The following MAP2 variants were observed in gnomAD, a reference collection of about 807,000 sequenced individuals.
MAP2 encodes microtubule-associated protein 2.
Under a neutral mutation model 137.6 loss-of-function variants are expected in MAP2, and 14 were observed. The observed-to-expected ratio is 0.10, with a 90% CI of 0.07 to 0.16. The LOEUF (loss-of-function observed/expected upper bound fraction) is 0.16, where lower values mean the gene tolerates loss of function less well. Among genes scored for constraint, MAP2 ranks in the 10% least tolerant of loss-of-function variants. The pLI is 1.00. For missense variants in MAP2, 2,088 were observed against 2,191.5 expected, an observed-to-expected ratio of 0.95 and a Z score of 0.94; for synonymous variants, 786 against 782.3, an observed-to-expected ratio of 1.00 and a Z score of -0.08.
chr2:209,659,294 G>A (rs936092701), intron 5 of MAP2, among the ~76,000 whole-genome samples: 2 of 151,922 alleles, frequency 1.3e-5, no homozygotes, highest in African/African-American at 4.8e-5. Flanking sequence ...GCAAATGTCA[G>A]GATTTGTTCT....
At chr2:209,641,690 G>T (rs1450495637) in intron 4 of MAP2, among the ~76,000 whole-genome samples, 1 of 151,006 alleles carries the variant, frequency 6.6e-6, no homozygotes, top group Non-Finnish European at 1.5e-5. Context: ...TGGTAGGGGT[G>T]GGGGGACTTA....
At chr2:209,643,800 G>A (rs2663652) in intron 4 of MAP2, among the ~76,000 whole-genome samples, 112,724 of 152,138 alleles carry the variant, frequency 0.74, 43,056 homozygotes, top group African/African-American at 0.93. Context: ...GCTAGAATAC[G>A]AGCAGTCTAT....
At chr2:209,425,398 G>C (rs1301626067) in intron 1 of MAP2, among the ~76,000 whole-genome samples, 1 of 152,072 alleles carries the variant, frequency 6.6e-6, no homozygotes, top group Non-Finnish European at 1.5e-5. Context: ...TGTTACAAAA[G>C]GAAATAGGTA....
At position 209,696,564 on chromosome 2, in the gene MAP2, A is replaced by G; in HGVS notation, c.4203A>G (p.Thr1401=). 1 of 1,613,254 alleles carries G rather than the reference A, an allele frequency of 6.2e-7. No individual in the cohort carries two copies. Among genetic ancestry groups the G allele is most frequent in the Non-Finnish European group, 8.5e-7 (1 of 1,179,586 alleles). The change falls in exon 9 of 16, where the codon ACA becomes ACG. Residue 1401 remains threonine (T), a synonymous_variant. Coordinates refer to ENST00000682079, the MANE Select transcript of MAP2 (RefSeq NM_001375505.1). ...CAGATGATGATAGGAGCATCATGAC[A>G]GAACAGTTAGAAACTATTCCTAAAG... ...DTQDDDRSIM[T]EQLETIPKEE... is the part of the protein sequence containing the mutation.
Position 209,659,357 on chromosome 2 carries a change from A to T in MAP2, c.262+5925A>T, listed in dbSNP as rs117440713. Among the ~76,000 whole-genome samples the T allele has an allele frequency of 1.3e-3, 192 of 152,210 alleles. 5 individuals are homozygous for T. In the East Asian group the frequency reaches 0.033, roughly 26 times the overall value. On this transcript the variant is annotated intron_variant, in intron 5 of 15. Transcript: ENST00000682079. Reference sequence around the variant, plus strand: ...TACTTTTCTATCACAGTTGTGGATGATGTGATTGAAAGCTGGAAGGGACCA... The same window carrying T: ...TACTTTTCTATCACAGTTGTGGATGTTGTGATTGAAAGCTGGAAGGGACCA...
chr2:209,684,557 G>T (rs967212820), intron 7 of MAP2: 3 of 152,114 alleles, frequency 2.0e-5, no homozygotes, highest in African/African-American at 7.2e-5. Context: ...GGTTTTACAT[G>T]GCAAACCTTA....
chr2:209,477,734 C>T (rs890882113), intron 1 of MAP2, among the ~76,000 whole-genome samples: 1 of 151,800 alleles, frequency 6.6e-6, no homozygotes, highest in Middle Eastern at 3.2e-3. Flanking sequence ...TGGTGGCTCA[C>T]GCCTATAATC....
chr2:209,598,825 A>C (rs1162739034), intron 3 of MAP2, among the ~76,000 whole-genome samples: 2 of 150,122 alleles, frequency 1.3e-5, no homozygotes, highest in Non-Finnish European at 1.5e-5. Flanking sequence ...TATGTGCCAC[A>C]TTTTCTTAAT....
At chr2:209,691,945 G>C (rs1413406689) in intron 7 of MAP2, among the ~76,000 whole-genome samples, 1 of 152,060 alleles carries the variant, frequency 6.6e-6, no homozygotes, top group Non-Finnish European at 1.5e-5. Context: ...AAATTCTTAA[G>C]TCATATCATA....
At chr2:209,614,992 T>C (rs961220890) in intron 3 of MAP2, among the ~76,000 whole-genome samples, 1 of 152,214 alleles carries the variant, frequency 6.6e-6, no homozygotes, top group African/African-American at 2.4e-5. Context: ...TCTGCTCAGA[T>C]GACTGTAGCA....
At chr2:209,521,366 G>A (rs1435642596) in intron 2 of MAP2, among the ~76,000 whole-genome samples, 2 of 151,798 alleles carry the variant, frequency 1.3e-5, no homozygotes, top group Non-Finnish European at 2.9e-5. Flanking sequence ...ATCAATTGAT[G>A]GTTTTTAAAA....
chr2:209,436,378 T>C (rs1696295266), intron 1 of MAP2, among the ~76,000 whole-genome samples: 3 of 151,668 alleles, frequency 2.0e-5, no homozygotes, highest in Non-Finnish European at 4.4e-5. Flanking sequence ...GTAGTCTCTA[T>C]TACAATTACT....
intron 4 of MAP2, among the ~76,000 whole-genome samples, chr2:209,639,140 G>A (rs1303487533): frequency 6.6e-6 from 1 of 152,028 alleles, no homozygotes; most frequent in African/African-American, 2.4e-5. Context: ...AAAGTGCTGA[G>A]ATTACAGGCA....
At chr2:209,587,438 C>T (rs2153421966) in intron 3 of MAP2, among the ~76,000 whole-genome samples, 1 of 152,226 alleles carries the variant, frequency 6.6e-6, no homozygotes, top group East Asian at 1.9e-4. Context: ...AACCTGCATC[C>T]CTCTGAGGGA....
intron 2 of MAP2, among the ~76,000 whole-genome samples, chr2:209,515,739 T>C (rs980236348): frequency 3.9e-5 from 6 of 152,136 alleles, no homozygotes; most frequent in Non-Finnish European, 8.8e-5. Context: ...GTCTTCATTT[T>C]ATGAATCGAG....
chr2:209,545,915 C>T (rs958146125), intron 2 of MAP2, among the ~76,000 whole-genome samples: 9 of 151,976 alleles, frequency 5.9e-5, no homozygotes, highest in Non-Finnish European at 1.2e-4. Flanking sequence ...CCGAGGCGGG[C>T]GGATCATGAG....
intron 5 of MAP2, among the ~76,000 whole-genome samples, chr2:209,669,152 A>T (rs1432570439): frequency 6.6e-6 from 1 of 152,130 alleles, no homozygotes; most frequent in East Asian, 1.9e-4. Flanking sequence ...AGTTAATGAG[A>T]AACTTGCTAA....
chr2:209,560,802 T>C (rs937427530), intron 2 of MAP2, among the ~76,000 whole-genome samples: 1 of 152,108 alleles, frequency 6.6e-6, no homozygotes, highest in African/African-American at 2.4e-5. Context: ...TTTTAATACA[T>C]ACTATAAATA....
chr2:209,555,529 A>G (rs2070360825), intron 2 of MAP2, among the ~76,000 whole-genome samples: 1 of 152,204 alleles, frequency 6.6e-6, no homozygotes, highest in Non-Finnish European at 1.5e-5. Context: ...CATTGAGAAC[A>G]TACAGAACCA....
Sources: allele counts gnomAD v4.1 joint callset (sites outside exome capture counted in the v4.1 genomes callset), GRCh38; gene constraint gnomAD v4.1.1; transcripts MANE v1.5; gene names NCBI Gene and HGNC (gene_info 2026-07-23, HGNC 2026-07-21).